Variants in KCNH5 observed in about 807,000 individuals in gnomAD.
KCNH5 encodes potassium voltage-gated channel subfamily H member 5.
In KCNH5, 46 loss-of-function variants were observed where a neutral mutation model predicts 96.1. That is an observed-to-expected ratio of 0.48 (90% CI 0.38 to 0.61). KCNH5 has a LOEUF of 0.61. Ranked by LOEUF, KCNH5 falls within the 20% of genes least tolerant of loss-of-function variation. The probability of loss-of-function intolerance (pLI) is 0.00; values close to 1 mark genes in which losing one functional copy is unlikely to be tolerated. For missense variants in KCNH5, 907 were observed against 1,225.8 expected, an observed-to-expected ratio of 0.74 and a Z score of 3.88; for synonymous variants, 439 against 449.8, an observed-to-expected ratio of 0.98 and a Z score of 0.30.
intron 10 of KCNH5, among the ~76,000 whole-genome samples, chr14:62,723,968 A>G (rs560495599): frequency 2.6e-5 from 4 of 152,136 alleles, no homozygotes; most frequent in South Asian, 2.1e-4. Flanking sequence ...CTAACTTTCC[A>G]TAGAAGAAAA....
At chr14:62,910,526 T>A (rs931411313) in intron 7 of KCNH5, among the ~76,000 whole-genome samples, 1 of 152,110 alleles carries the variant, frequency 6.6e-6, no homozygotes, top group African/African-American at 2.4e-5. Context: ...AAAATCAACA[T>A]ACAAGAATCA....
intron 7 of KCNH5, among the ~76,000 whole-genome samples, chr14:62,926,898 A>G (rs1216471760): frequency 6.6e-6 from 1 of 152,124 alleles, no homozygotes; most frequent in Admixed American, 6.6e-5. Flanking sequence ...AATGATGCAG[A>G]GGACTCACAA....
At chr14:62,865,332 T>TA (rs1888113065) in intron 7 of KCNH5, among the ~76,000 whole-genome samples, 10 of 100,840 alleles carry the variant, frequency 9.9e-5, no homozygotes, top group African/African-American at 1.5e-4. Context: ...AAAATGCTAT[T>TA]TAAAAAAAAA....
chr14:62,725,782 T>C lies in KCNH5; in HGVS notation c.2020-17327A>G, dbSNP rs1041360809. ...ATCCAAATCAAAATCCTGCAGGATC[T>C]TTTTGCAGAAATTAACAACCTAGTT... On this transcript the variant is annotated intron_variant, in intron 10 of 10. Coordinates refer to ENST00000322893, the MANE Select transcript of KCNH5 (RefSeq NM_139318.5). 6.6e-5 allele frequency among the ~76,000 whole-genome samples: 10 copies of C among 152,328 alleles called. No individual in the cohort carries two copies. In the South Asian group the frequency reaches 1.4e-3, roughly 22 times the overall value.
intron 10 of KCNH5, among the ~76,000 whole-genome samples, chr14:62,753,043 C>T (rs1885538284): frequency 6.6e-6 from 1 of 152,126 alleles, no homozygotes; most frequent in South Asian, 2.1e-4. Context: ...AGAGATATGT[C>T]ACCGTTCAGA....
chr14:62,984,366 C>CT lies in KCNH5; in HGVS notation c.549+2705dup, dbSNP rs1890665953. ...TGCACGCAGAAAATTAATTAACTAC[C>CT]TTTATGGAGACTGGAATCTTTGAAA... On this transcript the variant is annotated intron_variant, in intron 5 of 10. Transcript: ENST00000322893. Among the ~76,000 whole-genome samples the CT allele has an allele frequency of 2.0e-5, 3 of 152,222 alleles. No homozygotes were observed. In the South Asian group the frequency reaches 6.2e-4, roughly 32 times the overall value.
At chr14:62,927,797 T>C (rs980584030) in intron 7 of KCNH5, among the ~76,000 whole-genome samples, 1 of 152,064 alleles carries the variant, frequency 6.6e-6, no homozygotes, top group African/African-American at 2.4e-5. Flanking sequence ...TGAGGCTATA[T>C]AGGGGTTAAG....
At chr14:63,007,692 G>A (rs1434649616) in intron 2 of KCNH5, among the ~76,000 whole-genome samples, 1 of 152,086 alleles carries the variant, frequency 6.6e-6, no homozygotes, top group Admixed American at 6.6e-5. Flanking sequence ...AGTGAGGATT[G>A]CATATGATAC....
intron 7 of KCNH5, among the ~76,000 whole-genome samples, chr14:62,875,834 ATTGTCAATGTTACG>A (rs1888361275): frequency 6.6e-6 from 1 of 151,934 alleles, no homozygotes; most frequent in African/African-American, 2.4e-5. Flanking sequence ...GGTGTTAGAA[ATTGTCAATGTTACG>A]TTGTTGATTA....
chr14:62,814,264 T>A (rs896614808), intron 8 of KCNH5, among the ~76,000 whole-genome samples: 2 of 152,150 alleles, frequency 1.3e-5, no homozygotes, highest in African/African-American at 4.8e-5. Context: ...CAGCAATTGT[T>A]ACCATTTTTT....
chr14:62,720,838 G>C (rs574100530), intron 10 of KCNH5, among the ~76,000 whole-genome samples: 1 of 152,280 alleles, frequency 6.6e-6, no homozygotes, highest in East Asian at 1.9e-4. Flanking sequence ...CTATAAACTA[G>C]AAAGACAAGT....
intron 7 of KCNH5, among the ~76,000 whole-genome samples, chr14:62,903,819 T>TA (rs1888976082): frequency 6.6e-6 from 1 of 152,264 alleles, no homozygotes; most frequent in South Asian, 2.1e-4. Context: ...CTATCAAAGT[T>TA]ACACAGAATG....
chr14:62,917,390 G>C (rs1424992022), intron 7 of KCNH5, among the ~76,000 whole-genome samples: 1 of 149,434 alleles, frequency 6.7e-6, no homozygotes, highest in Non-Finnish European at 1.5e-5. Context: ...CAGATACAGA[G>C]CTTTGCCCAA....
intron 8 of KCNH5, among the ~76,000 whole-genome samples, chr14:62,806,725 T>C (rs1234968014): frequency 6.6e-6 from 1 of 152,048 alleles, no homozygotes; most frequent in East Asian, 1.9e-4. Flanking sequence ...TGACTGACAT[T>C]GGGTTCGAGG....
intron 6 of KCNH5, among the ~76,000 whole-genome samples, chr14:62,958,202 T>C (rs1040729): frequency 0.38 from 58,332 of 152,132 alleles, 11,652 homozygotes; most frequent in Admixed American, 0.42. Flanking sequence ...AGAAATATGT[T>C]GCTATTATGC....
At chr14:62,747,572 T>G (rs770700147) in intron 10 of KCNH5, among the ~76,000 whole-genome samples, 1 of 151,878 alleles carries the variant, frequency 6.6e-6, no homozygotes, top group Non-Finnish European at 1.5e-5. Flanking sequence ...TAATTCAGGA[T>G]GAGCTTAGAA....
At chr14:62,924,635 G>GA (rs1006288930) in intron 7 of KCNH5, among the ~76,000 whole-genome samples, 2 of 151,680 alleles carry the variant, frequency 1.3e-5, no homozygotes, top group Non-Finnish European at 2.9e-5. Flanking sequence ...ATTAAGCCTT[G>GA]AAAAAAAGAA....
rs919679787 is a variant in KCNH5, at chr14:62,700,965, G to T, written c.*6543C>A. The T allele has an allele frequency of 1.3e-5, 2 of 152,182 alleles. No individual in the cohort carries two copies. Among genetic ancestry groups the T allele is most frequent in the African/African-American group, 4.8e-5 (2 of 41,450 alleles). The allele number at this position is 152,182 out of a possible 1,614,324, so 9.4% of individuals were successfully genotyped here. A position where few individuals can be genotyped will look rare whatever the true frequency, so the allele number is the denominator to read the frequency against. Reference sequence around the variant, plus strand: ...ATATTATGAAATATGATTTAGCAGAGAATGGGGATAAAATTACTTAAATTA... The same window carrying T: ...ATATTATGAAATATGATTTAGCAGATAATGGGGATAAAATTACTTAAATTA... On this transcript the variant is annotated 3_prime_UTR_variant, in exon 11 of 11. Transcript: ENST00000322893.
intron 4 of KCNH5, among the ~76,000 whole-genome samples, chr14:63,000,417 C>T (rs1269368732): frequency 1.3e-5 from 2 of 152,116 alleles, no homozygotes; most frequent in Non-Finnish European, 2.9e-5. Flanking sequence ...GAATAAATTA[C>T]ATAGAAAAGG....
Sources: allele counts gnomAD v4.1 joint callset (sites outside exome capture counted in the v4.1 genomes callset), GRCh38; gene constraint gnomAD v4.1.1; transcripts MANE v1.5; gene names NCBI Gene and HGNC (gene_info 2026-07-23, HGNC 2026-07-21).